LIPC: variants seen among roughly 807,000 people sequenced by gnomAD.
LIPC encodes hepatic triacylglycerol lipase.
Under a neutral mutation model 50.7 loss-of-function variants are expected in LIPC, and 44 were observed. That is an observed-to-expected ratio of 0.87 (90% confidence interval 0.68 to 1.11). The LOEUF (loss-of-function observed/expected upper bound fraction) is 1.11, where lower values mean the gene tolerates loss of function less well. Among genes scored for constraint, LIPC ranks in the 50% most tolerant of loss-of-function variants. The pLI, the probability that LIPC is intolerant of heterozygous loss-of-function variation, is 0.00. For synonymous variants in LIPC, 271 were observed against 256.4 expected (o/e 1.06, Z -0.54); for missense variants, 697 against 648.2 (o/e 1.08, Z -0.82).
At chr15:58,488,606 C>T (rs184263779) in intron 1 of LIPC, among the ~76,000 whole-genome samples, 2 of 152,344 alleles carry the variant, frequency 1.3e-5, no homozygotes, top group East Asian at 1.9e-4. Context: ...CTCTGAACTG[C>T]CCCATTTTCT....
intron 1 of LIPC, chr15:58,432,355 A>C: frequency 3.5e-6 from 2 of 569,678 alleles, no homozygotes; most frequent in Non-Finnish European, 6.3e-6. Context: ...TGCAGCTAGC[A>C]GTGAAGTCTC....
intron 1 of LIPC, among the ~76,000 whole-genome samples, chr15:58,450,845 G>A (rs747543288): frequency 6.6e-6 from 1 of 152,176 alleles, no homozygotes; most frequent in Admixed American, 6.5e-5. Flanking sequence ...GCAGCAGTCA[G>A]GGTTTACAGG....
At chr15:58,466,863 G>A (rs1894585210) in intron 1 of LIPC, among the ~76,000 whole-genome samples, 1 of 152,120 alleles carries the variant, frequency 6.6e-6, no homozygotes, top group African/African-American at 2.4e-5. Flanking sequence ...ACTTCGTAAA[G>A]TTGATTTTCA....
chr15:58,464,259 T>A (rs950816843), intron 1 of LIPC, among the ~76,000 whole-genome samples: 1 of 152,160 alleles, frequency 6.6e-6, no homozygotes, highest in Non-Finnish European at 1.5e-5. Context: ...CCTGGTTTCC[T>A]AGGAGCAGTA....
intron 1 of LIPC, among the ~76,000 whole-genome samples, chr15:58,500,743 C>A (rs1891956226): frequency 7.2e-6 from 1 of 139,334 alleles, no homozygotes; most frequent in Non-Finnish European, 1.6e-5. Context: ...CCCCCACCAC[C>A]CCCCTCTCCC....
chr15:58,485,066 G>A (rs983036298), intron 1 of LIPC, among the ~76,000 whole-genome samples: 11 of 152,182 alleles, frequency 7.2e-5, no homozygotes, highest in South Asian at 4.1e-4. Flanking sequence ...GGGTCATTCC[G>A]TAGTTGGGTT....
intron 1 of LIPC, among the ~76,000 whole-genome samples, chr15:58,534,056 T>C (rs1164268027): frequency 6.6e-6 from 1 of 152,192 alleles, no homozygotes; most frequent in Non-Finnish European, 1.5e-5. Context: ...AGAGAGGGCA[T>C]AAGCTCTAAG....
At chr15:58,468,048 T>A (rs1443705509) in intron 1 of LIPC, among the ~76,000 whole-genome samples, 2 of 152,200 alleles carry the variant, frequency 1.3e-5, no homozygotes, top group Non-Finnish European at 2.9e-5. Context: ...ATGGGAATGA[T>A]GCATGTAAAA....
intron 1 of LIPC, chr15:58,456,247 A>C (rs1413233094): frequency 2.0e-5 from 3 of 152,230 alleles, no homozygotes; most frequent in Admixed American, 2.0e-4. Context: ...CTATGAGATC[A>C]AGCCAAAAGA....
intron 1 of LIPC, among the ~76,000 whole-genome samples, chr15:58,515,989 C>T (rs1595912611): frequency 6.6e-6 from 1 of 152,170 alleles, no homozygotes; most frequent in Non-Finnish European, 1.5e-5. Flanking sequence ...CTGTAATCAT[C>T]GTCTGACCAC....
intron 1 of LIPC, chr15:58,436,860 G>A (rs1302994963): frequency 2.2e-6 from 1 of 456,270 alleles, no homozygotes; most frequent in Non-Finnish European, 4.4e-6. Context: ...GAGGTACACA[G>A]CTGATAAAGT....
intron 1 of LIPC, among the ~76,000 whole-genome samples, chr15:58,485,656 T>C (rs1891349200): frequency 1.3e-5 from 2 of 152,188 alleles, no homozygotes; most frequent in African/African-American, 4.8e-5. Context: ...ACAACATCTC[T>C]GCAAAGAAGA....
chr15:58,562,928 C>T (rs1031451367), intron 7 of LIPC, among the ~76,000 whole-genome samples: 8 of 151,976 alleles, frequency 5.3e-5, no homozygotes, highest in Admixed American at 2.6e-4. Flanking sequence ...GCTCTGTCAA[C>T]GTTGGGATAT....
At position 58,484,359 on chromosome 15, in the gene LIPC, CAAG is replaced by C. The variant is rs1309853756; in HGVS notation, c.88+52246_88+52248del. Among the ~76,000 whole-genome samples the C allele has an allele frequency of 2.6e-5, 4 of 152,176 alleles. No individual in the cohort carries two copies. The East Asian group carries it at 5.8e-4, about 22-fold the overall frequency. On this transcript the variant is annotated intron_variant, in intron 1 of 8. Coordinates refer to ENST00000299022, the MANE Select transcript of LIPC (RefSeq NM_000236.3). ...CCTGCCCTCAAAAGGGCCTTGGGATCAAGAAGAAGTGGACACGAGCACATCTGA... is the reference window on the plus strand; with the variant it reads ...CCTGCCCTCAAAAGGGCCTTGGGATCAAGAAGTGGACACGAGCACATCTGA...
intron 1 of LIPC, among the ~76,000 whole-genome samples, chr15:58,501,025 T>C (rs1277141753): frequency 6.6e-6 from 1 of 152,028 alleles, no homozygotes; most frequent in Admixed American, 6.6e-5. Context: ...CCATCTTTCC[T>C]CATGGGCATC....
At chr15:58,460,132 T>G (rs1894287387) in intron 1 of LIPC, among the ~76,000 whole-genome samples, 1 of 152,212 alleles carries the variant, frequency 6.6e-6, no homozygotes, top group African/African-American at 2.4e-5. Context: ...CAATGAGCAT[T>G]GTTCAAGCCG....
At chr15:58,452,380 C>T (rs1893934269) in intron 1 of LIPC, among the ~76,000 whole-genome samples, 2 of 152,196 alleles carry the variant, frequency 1.3e-5, no homozygotes. Context: ...GGACCACCTA[C>T]TATAAAAACT....
chr15:58,532,232 G>C lies in LIPC; in HGVS notation c.89-6101G>C, dbSNP rs1431906336. ...CCAGACAAAGCTCAGCAACAGCTAGGAGCTGAATCTGTAAGGTCCAGCAGT... is the reference window on the plus strand; with the variant it reads ...CCAGACAAAGCTCAGCAACAGCTAGCAGCTGAATCTGTAAGGTCCAGCAGT... On this transcript the variant is annotated intron_variant, in intron 1 of 8. Transcript: ENST00000299022. Among the ~76,000 whole-genome samples, 6 of 152,182 alleles carry C rather than the reference G, an allele frequency of 3.9e-5. No homozygotes were observed. The East Asian group carries it at 9.6e-4, about 24-fold the overall frequency.
At chr15:58,546,765 A>G (rs1566946725) in intron 5 of LIPC, among the ~76,000 whole-genome samples, 1 of 152,088 alleles carries the variant, frequency 6.6e-6, no homozygotes, top group Non-Finnish European at 1.5e-5. Flanking sequence ...CACCCTGATC[A>G]TCCAACACTC....
Sources: allele counts gnomAD v4.1 joint callset (sites outside exome capture counted in the v4.1 genomes callset), GRCh38; gene constraint gnomAD v4.1.1; transcripts MANE v1.5; gene names NCBI Gene and HGNC (gene_info 2026-07-23, HGNC 2026-07-21).